Variants in DHRSX observed in about 807,000 individuals in gnomAD.
DHRSX encodes dehydrogenase/reductase X-linked, also known as polyprenol dehydrogenase.
Under a neutral mutation model 34.0 loss-of-function variants are expected in DHRSX, and 31 were observed. The ratio of observed to expected loss-of-function variants is 0.91; its 90% CI spans 0.69 to 1.23. DHRSX has a LOEUF of 1.23. DHRSX is among the 50% of genes most tolerant of loss of function. The pLI is 0.00. For missense variants in DHRSX, 414 were observed against 428.1 expected (o/e 0.97, Z 0.29); for synonymous variants, 201 against 183.8 (o/e 1.09, Z -0.76).
At chrX:2,324,890 T>C (rs1212672197) in intron 3 of DHRSX, among the ~76,000 whole-genome samples, 1 of 149,552 alleles carries the variant, frequency 6.7e-6, no homozygotes, top group Non-Finnish European at 1.5e-5. Context: ...TGCCTCAGCC[T>C]CCTAAGTAGC....
At chrX:2,325,651 C>G (rs758204306) in intron 3 of DHRSX, among the ~76,000 whole-genome samples, 5 of 152,228 alleles carry the variant, frequency 3.3e-5, no homozygotes, top group Non-Finnish European at 7.4e-5. Flanking sequence ...AACTACAAAG[C>G]CCATTTGCAT....
intron 3 of DHRSX, among the ~76,000 whole-genome samples, chrX:2,352,442 G>C (rs1341944797): frequency 2.6e-5 from 4 of 152,124 alleles, no homozygotes; most frequent in African/African-American, 9.7e-5. Context: ...ACAGAGGTGT[G>C]AAAATACCGT....
chrX:2,391,552 G>C (rs562744529), intron 3 of DHRSX, among the ~76,000 whole-genome samples: 1 of 152,248 alleles, frequency 6.6e-6, no homozygotes, highest in African/African-American at 2.4e-5. Context: ...TGCCAAGTAA[G>C]AGAGGAATAT....
At position 2,484,834 on chromosome X, in the gene DHRSX, C is replaced by T. The variant is rs188852722; in HGVS notation, c.109+15983G>A. Among the ~76,000 whole-genome samples, 186 of 152,214 alleles carry T rather than the reference C, an allele frequency of 1.2e-3. 1 individual carries two copies. Among genetic ancestry groups the T allele is most frequent in the African/African-American group, 4.2e-3 (176 of 41,522 alleles). On this transcript the variant is annotated intron_variant, in intron 1 of 6. Coordinates refer to ENST00000334651, the MANE Select transcript of DHRSX (RefSeq NM_145177.3). ...TCGGAACAAAAGCAGGAGCTGGCTG[C>T]GCCAGGAACCCGGTCTCTGGGCCTC...
intron 1 of DHRSX, among the ~76,000 whole-genome samples, chrX:2,432,987 G>C (rs1340105215): frequency 1.3e-5 from 2 of 152,032 alleles, no homozygotes; most frequent in South Asian, 4.2e-4. Context: ...AACCGGGTGT[G>C]GCGGTGCGTG....
At chrX:2,270,484 C>T (rs1277205189) in intron 4 of DHRSX, among the ~76,000 whole-genome samples, 1 of 152,188 alleles carries the variant, frequency 6.6e-6, no homozygotes, top group East Asian at 1.9e-4. Context: ...CTCCAACCCG[C>T]CTTTCAAAAC....
intron 4 of DHRSX, among the ~76,000 whole-genome samples, chrX:2,271,501 C>A (rs189441488): frequency 6.6e-6 from 1 of 152,306 alleles, no homozygotes; most frequent in Non-Finnish European, 1.5e-5. Flanking sequence ...CTCAGTGCTT[C>A]CCCCTCCTAC....
At chrX:2,304,925 AT>A (rs1480862708) in intron 3 of DHRSX, among the ~76,000 whole-genome samples, 1 of 152,138 alleles carries the variant, frequency 6.6e-6, no homozygotes, top group African/African-American at 2.4e-5. Context: ...TTGCAGCACT[AT>A]TCACAATAGC....
chrX:2,383,298 T>A (rs1269740608), intron 3 of DHRSX, among the ~76,000 whole-genome samples: 1 of 150,852 alleles, frequency 6.6e-6, no homozygotes, highest in African/African-American at 2.4e-5. Flanking sequence ...ATCACTATCA[T>A]CACCATCATA....
chrX:2,255,607 A>T (rs1161919190), intron 5 of DHRSX, among the ~76,000 whole-genome samples: 2 of 152,078 alleles, frequency 1.3e-5, no homozygotes, highest in Admixed American at 1.3e-4. Flanking sequence ...AGAATTTCTT[A>T]AATAGGTAGA....
intron 3 of DHRSX, among the ~76,000 whole-genome samples, chrX:2,397,662 C>T (rs929112505): frequency 2.0e-5 from 3 of 151,506 alleles, no homozygotes; most frequent in African/African-American, 7.3e-5. Flanking sequence ...TTTAACAACA[C>T]TCATTAATTC....
intron 1 of DHRSX, among the ~76,000 whole-genome samples, chrX:2,443,930 C>T (rs1363843297): frequency 1.3e-5 from 2 of 149,230 alleles, no homozygotes; most frequent in Non-Finnish European, 3.0e-5. Flanking sequence ...GGCGTGAACC[C>T]GGGAGGTGGA....
chrX:2,419,385 T>C (rs1364495360), intron 2 of DHRSX, among the ~76,000 whole-genome samples: 1 of 152,326 alleles, frequency 6.6e-6, no homozygotes, highest in Non-Finnish European at 1.5e-5. Flanking sequence ...TAAGTTTCTA[T>C]GGTTTATTGT....
At chrX:2,425,134 C>T in intron 2 of DHRSX, 63 bp downstream of exon 2, 1 of 1,276,658 alleles carries the variant, frequency 7.8e-7, no homozygotes, top group Non-Finnish European at 1.1e-6. Context: ...GACTGCGATC[C>T]TGTCTCAGAA....
intron 3 of DHRSX, among the ~76,000 whole-genome samples, chrX:2,294,058 CAGAG>C (rs779129649): frequency 1.3e-5 from 2 of 148,868 alleles, no homozygotes; most frequent in South Asian, 2.1e-4. Flanking sequence ...AAGATAGAAG[CAGAG>C]AGAGAGAGAA....
In DHRSX at chrX:2,220,759, AT is replaced by A. The variant is rs2015502707; in HGVS notation, c.*281del. ...ATTAACGCGGCAAGGAAAATGGCAC[AT>A]TTATGTTGGAAAATGTAATTATTTA... is the stretch of plus-strand genomic sequence containing the variant. On this transcript the variant is annotated 3_prime_UTR_variant, in exon 7 of 7. Coordinates refer to ENST00000334651, the MANE Select transcript of DHRSX (RefSeq NM_145177.3). 2.2e-6 allele frequency: 1 copy of A among 445,012 alleles called. No individual in the cohort carries two copies. The highest frequency in any genetic ancestry group is 4.0e-6 in the Non-Finnish European group (1 of 251,980). The allele number at this position is 445,012 out of a possible 1,614,324, so 27.6% of individuals were successfully genotyped here. A position where few individuals can be genotyped will look rare whatever the true frequency, so the allele number is the denominator to read the frequency against.
intron 6 of DHRSX, among the ~76,000 whole-genome samples, chrX:2,227,380 G>A (rs2015693758): frequency 6.6e-6 from 1 of 151,040 alleles, no homozygotes; most frequent in African/African-American, 2.4e-5. Context: ...AGGAAATAGA[G>A]AAAGGAATTA....
At chrX:2,231,443 C>G (rs192049440) in intron 6 of DHRSX, among the ~76,000 whole-genome samples, 2 of 151,054 alleles carry the variant, frequency 1.3e-5, no homozygotes, top group African/African-American at 4.9e-5. Flanking sequence ...CTCTTTTTCT[C>G]TCTCTATTCC....
intron 5 of DHRSX, among the ~76,000 whole-genome samples, chrX:2,265,853 G>A (rs1272596974): frequency 7.1e-6 from 1 of 141,162 alleles, no homozygotes; most frequent in African/African-American, 2.7e-5. Context: ...GCAGACACAG[G>A]GAGCACCGTC....
Sources: allele counts gnomAD v4.1 joint callset (sites outside exome capture counted in the v4.1 genomes callset), GRCh38; gene constraint gnomAD v4.1.1; transcripts MANE v1.5; gene names NCBI Gene and HGNC (gene_info 2026-07-23, HGNC 2026-07-21).